Variants in FGF14 observed in about 807,000 individuals in gnomAD.
FGF14 encodes the protein fibroblast growth factor homologous factor 4.
A neutral mutation model predicts 25.5 loss-of-function variants in FGF14; 5 were observed. That is an observed-to-expected ratio of 0.20 (90% CI 0.10 to 0.41). FGF14 has a LOEUF of 0.41. Ranked by LOEUF, FGF14 falls within the 10% of genes least tolerant of loss-of-function variation. FGF14 has a pLI of 1.00. For missense variants in FGF14, 222 were observed against 320.1 expected, an observed-to-expected ratio of 0.69 and a Z score of 2.34; for synonymous variants, 138 against 118.3, an observed-to-expected ratio of 1.17 and a Z score of -1.08.
chr13:102,322,432 G>A (rs1009071453), intron 1 of FGF14, among the ~76,000 whole-genome samples: 3 of 152,194 alleles, frequency 2.0e-5, no homozygotes, highest in Non-Finnish European at 4.4e-5. Context: ...GGCTTTTGGG[G>A]ATCCTATAAC....
chr13:101,960,647 G>C (rs974467985), intron 1 of FGF14, among the ~76,000 whole-genome samples: 23 of 152,226 alleles, frequency 1.5e-4, no homozygotes, highest in African/African-American at 5.5e-4. Context: ...GGGCTGCAAT[G>C]AACATACACG....
At chr13:101,788,921 GAGAGAGAGAGAGAGAGAGAGAGAGAGAC>G (rs1229830956) in intron 3 of FGF14, among the ~76,000 whole-genome samples, 341 of 24,760 alleles carry the variant, frequency 0.014, 1 homozygote, top group Non-Finnish European at 0.015. Flanking sequence ...GAGAGAGAGA[GAGAGAGAGAGAGAGAGAGAGAGAGAGAC>G]AGAGAGAGAG....
intron 1 of FGF14, among the ~76,000 whole-genome samples, chr13:101,980,444 T>C (rs1229060452): frequency 6.6e-6 from 1 of 152,096 alleles, no homozygotes. Flanking sequence ...GTAAAAGAAG[T>C]CTACTGTAAA....
chr13:101,976,214 C>G (rs1386370679), intron 1 of FGF14, among the ~76,000 whole-genome samples: 1 of 151,832 alleles, frequency 6.6e-6, no homozygotes, highest in African/African-American at 2.4e-5. Context: ...CAGTGATTTC[C>G]AAAGTTTCTC....
At chr13:102,073,835 G>C (rs377443103) in intron 1 of FGF14, among the ~76,000 whole-genome samples, 61 of 152,336 alleles carry the variant, frequency 4.0e-4, no homozygotes, top group African/African-American at 1.4e-3. Flanking sequence ...CCAAGGCCTT[G>C]ATCTGAGGGA....
At chr13:102,356,224 C>A (rs999452827) in intron 1 of FGF14, among the ~76,000 whole-genome samples, 3 of 152,182 alleles carry the variant, frequency 2.0e-5, no homozygotes, top group South Asian at 2.1e-4. Context: ...GAATGTAAAG[C>A]TAGACCCAGA....
chr13:102,203,193 T>C lies in FGF14; in HGVS notation c.208+198278A>G, dbSNP rs191995194. ...GTATATTTGTCTTCTTAATTATGTT[T>C]TATGTAAATACTGTAATAAATTAGT... On this transcript the variant is annotated intron_variant, in intron 1 of 4. Coordinates refer to the FGF14 transcript ENST00000376131. 6.1e-4 allele frequency among the ~76,000 whole-genome samples: 93 copies of C among 152,366 alleles called. No homozygotes were observed. The Middle Eastern group carries it at 0.01, about 17-fold the overall frequency.
chr13:102,057,453 G>C (rs2042484705), intron 1 of FGF14, among the ~76,000 whole-genome samples: 1 of 152,110 alleles, frequency 6.6e-6, no homozygotes, highest in South Asian at 2.1e-4. Flanking sequence ...CAATTGGATG[G>C]AGTAATTCTG....
rs2035080521 is a variant in FGF14, at chr13:101,722,814, C to T, written c.*17G>A. On this transcript the variant is annotated 3_prime_UTR_variant, in exon 5 of 5. Coordinates refer to ENST00000376143, the MANE Select transcript of FGF14 (RefSeq NM_004115.4). ...TGTGCTCAGGACGAATAAGTCACAACACCTGTGAGGATCTGGCTATGTTGT... is the reference window on the plus strand; with the variant it reads ...TGTGCTCAGGACGAATAAGTCACAATACCTGTGAGGATCTGGCTATGTTGT... 6.2e-7 allele frequency: 1 copy of T among 1,613,052 alleles called. No individual in the cohort carries two copies. The highest frequency in any genetic ancestry group is 8.5e-7 in the Non-Finnish European group (1 of 1,179,350).
intron 3 of FGF14, among the ~76,000 whole-genome samples, chr13:101,820,759 TAC>T (rs202125189): frequency 2.4e-5 from 2 of 84,694 alleles, no homozygotes; most frequent in Admixed American, 1.2e-4. Context: ...ACAGCTACAG[TAC>T]ACACACACAC....
intron 3 of FGF14, among the ~76,000 whole-genome samples, chr13:101,792,563 A>G (rs144249667): frequency 4.6e-5 from 7 of 152,268 alleles, no homozygotes; most frequent in Non-Finnish European, 1.0e-4. Flanking sequence ...AGGGTTATTG[A>G]TTTATGCCCC....
At chr13:101,747,768 C>T (rs1473172082) in intron 3 of FGF14, among the ~76,000 whole-genome samples, 1 of 151,840 alleles carries the variant, frequency 6.6e-6, no homozygotes, top group Admixed American at 6.6e-5. Flanking sequence ...GGAATTCAGA[C>T]AACAACAACA....
intron 3 of FGF14, among the ~76,000 whole-genome samples, chr13:101,850,224 A>G (rs554796153): frequency 9.3e-4 from 128 of 138,254 alleles, no homozygotes; most frequent in African/African-American, 3.4e-3. Flanking sequence ...ACTTGAGGTC[A>G]GGAGTTCGAG....
chr13:101,870,512 G>T (rs2044997945), intron 2 of FGF14, among the ~76,000 whole-genome samples: 2 of 152,040 alleles, frequency 1.3e-5, no homozygotes, highest in African/African-American at 4.8e-5. Context: ...ATTTTATATA[G>T]GCCAGGTAGT....
At chr13:102,241,968 T>G (rs527927169) in intron 1 of FGF14, among the ~76,000 whole-genome samples, 1 of 152,248 alleles carries the variant, frequency 6.6e-6, no homozygotes, top group South Asian at 2.1e-4. Context: ...TGCTCTCTTT[T>G]GGCTTTAAGA....
chr13:101,898,716 T>C (rs1180747132), intron 1 of FGF14, among the ~76,000 whole-genome samples: 1 of 152,120 alleles, frequency 6.6e-6, no homozygotes, highest in Admixed American at 6.6e-5. Context: ...TCACTTCTAG[T>C]TATAACCAAC....
At chr13:101,808,924 A>G (rs1015735128) in intron 3 of FGF14, among the ~76,000 whole-genome samples, 2 of 152,142 alleles carry the variant, frequency 1.3e-5, no homozygotes, top group Non-Finnish European at 2.9e-5. Context: ...TGTGGGAAAT[A>G]TAAGTCCTCG....
chr13:101,833,603 G>A (rs1031354668), intron 3 of FGF14, among the ~76,000 whole-genome samples: 1 of 152,052 alleles, frequency 6.6e-6, no homozygotes, highest in South Asian at 2.1e-4. Flanking sequence ...ATACTGCTCT[G>A]TGTGTATATA....
chr13:101,946,062 T>C (rs1477393730), intron 1 of FGF14, among the ~76,000 whole-genome samples: 2 of 152,192 alleles, frequency 1.3e-5, no homozygotes, highest in African/African-American at 4.8e-5. Context: ...ATTTCCCTTA[T>C]TCAAACTAAT....
Sources: allele counts gnomAD v4.1 joint callset (sites outside exome capture counted in the v4.1 genomes callset), GRCh38; gene constraint gnomAD v4.1.1; transcripts MANE v1.5; gene names NCBI Gene and HGNC (gene_info 2026-07-23, HGNC 2026-07-21).